The following DBF4 variants were observed in gnomAD, a reference collection of about 807,000 sequenced individuals.
The protein encoded by DBF4 is protein DBF4 homolog A.
A neutral mutation model predicts 76.6 loss-of-function variants in DBF4; 25 were observed. The ratio of observed to expected loss-of-function variants is 0.33; its 90% CI spans 0.24 to 0.46. The LOEUF is 0.46. Ranked by LOEUF, DBF4 falls within the 20% of genes least tolerant of loss-of-function variation. The probability of loss-of-function intolerance (pLI) is 1.00; values close to 1 mark genes in which losing one functional copy is unlikely to be tolerated. For missense variants in DBF4, 638 were observed against 760.8 expected (o/e 0.84, Z 1.90); for synonymous variants, 213 against 258.0 (o/e 0.83, Z 1.67).
intron 5 of DBF4, 31 bp from the exon 6 acceptor site, chr7:87,887,952 T>G (rs1417833645): frequency 1.3e-6 from 2 of 1,504,772 alleles, no homozygotes; most frequent in African/African-American, 2.9e-5. Context: ...GTAAAATTGC[T>G]AATCTTAAAA....
At chr7:87,904,220 A>T in intron 10 of DBF4, 72 bp from the exon 11 acceptor site, 2 of 1,475,882 alleles carry the variant, frequency 1.4e-6, no homozygotes, top group South Asian at 2.7e-5. Flanking sequence ...GAATGTTAGA[A>T]AACCTTAATT....
chr7:87,896,466 T>C lies in DBF4; in HGVS notation c.598-8T>C. On this transcript the variant is annotated splice_polypyrimidine_tract_variant and splice_region_variant and intron_variant, in intron 6 of 11. Transcript: ENST00000265728. Reference sequence around the variant, plus strand: ...AAGCCAATCTTTTCACTATATATTTTTTTTTAGGGCAAAAGAGTTGGTAGT... The same window carrying C: ...AAGCCAATCTTTTCACTATATATTTCTTTTTAGGGCAAAAGAGTTGGTAGT... 6.2e-7 allele frequency: 1 copy of C among 1,610,618 alleles called. No individual in the cohort carries two copies. Among genetic ancestry groups the C allele is most frequent in the Non-Finnish European group, 8.5e-7 (1 of 1,178,332 alleles).
chr7:87,892,412 GGC>G (rs907878727), intron 6 of DBF4, among the ~76,000 whole-genome samples: 3 of 152,060 alleles, frequency 2.0e-5, no homozygotes, highest in African/African-American at 7.3e-5. Flanking sequence ...GTCTTTTCAT[GGC>G]TTGACAGCTC....
intron 10 of DBF4, 138 bp from the exon 11 acceptor site, chr7:87,904,149 AAGTCT>A: frequency 1.4e-6 from 1 of 713,496 alleles, no homozygotes; most frequent in Non-Finnish European, 2.1e-6. Flanking sequence ...ACGTCTTTTG[AAGTCT>A]AGTAAAGGGT....
intron 6 of DBF4, among the ~76,000 whole-genome samples, chr7:87,890,370 C>G (rs551445452): frequency 1.7e-4 from 26 of 152,236 alleles, no homozygotes; most frequent in African/African-American, 6.0e-4. Flanking sequence ...CCCATCTCTA[C>G]TAAAAATACA....
chr7:87,890,838 G>A (rs1245460754), intron 6 of DBF4, among the ~76,000 whole-genome samples: 1 of 152,108 alleles, frequency 6.6e-6, no homozygotes, highest in Non-Finnish European at 1.5e-5. Flanking sequence ...CTATGAAACA[G>A]ATCTTAATCT....
chr7:87,886,162 G>A (rs1408795596), intron 3 of DBF4, among the ~76,000 whole-genome samples: 2 of 152,070 alleles, frequency 1.3e-5, no homozygotes, highest in Non-Finnish European at 2.9e-5. Context: ...TTTGGAGCAA[G>A]GAGACAATAC....
intron 1 of DBF4, 41 bp downstream of exon 1, chr7:87,876,819 T>C: frequency 1.9e-6 from 3 of 1,607,476 alleles, no homozygotes; most frequent in Non-Finnish European, 2.6e-6. Context: ...TTTAATCCTT[T>C]CCTCCCCTCG....
chr7:87,890,803 A>C (rs911069058), intron 6 of DBF4, among the ~76,000 whole-genome samples: 1 of 152,240 alleles, frequency 6.6e-6, no homozygotes, highest in Non-Finnish European at 1.5e-5. Context: ...AGGAGCCCTC[A>C]TAAAACGAAG....
At chr7:87,900,673 C>T in intron 9 of DBF4, 91 bp from the exon 10 acceptor site, 1 of 1,042,406 alleles carries the variant, frequency 9.6e-7, no homozygotes. Flanking sequence ...GCAAATTATG[C>T]AGATTGTGTG....
intron 6 of DBF4, among the ~76,000 whole-genome samples, chr7:87,892,800 T>C (rs975520565): frequency 6.6e-5 from 10 of 152,184 alleles, no homozygotes; most frequent in African/African-American, 2.4e-4. Context: ...CATTGTCCTG[T>C]GGGGTTACTT....
intron 10 of DBF4, among the ~76,000 whole-genome samples, chr7:87,903,048 T>G (rs1265024331): frequency 2.6e-5 from 4 of 152,200 alleles, no homozygotes; most frequent in Non-Finnish European, 5.9e-5. Context: ...TGTTGTGAAC[T>G]TGTTTACTTT....
intron 8 of DBF4, among the ~76,000 whole-genome samples, chr7:87,897,914 A>G (rs949137836): frequency 4.6e-5 from 7 of 152,134 alleles, no homozygotes; most frequent in African/African-American, 1.4e-4. Context: ...AGTAGCTGGG[A>G]TTATGGGTCT....
In DBF4 at chr7:87,908,440, A is replaced by G. The variant is rs1839963261; in HGVS notation, c.*277A>G. The G allele has an allele frequency of 4.5e-6, 1 of 221,180 alleles. No homozygotes were observed. Among genetic ancestry groups the G allele is most frequent in the South Asian group, 1.6e-4 (1 of 6,410 alleles). 13.7% of individuals were successfully genotyped at this position (221,180 alleles called of 1,614,324 possible). On this transcript the variant is annotated 3_prime_UTR_variant, in exon 12 of 12. Transcript: ENST00000265728. The stretch of plus-strand genomic sequence containing the variant: ...ATAATAATTTGCTTTGTCACTGAAA[A>G]CCACCAGTGAAGTGCAATTTGGGGA...
chr7:87,903,050 G>T (rs1257414341), intron 10 of DBF4, among the ~76,000 whole-genome samples: 1 of 152,046 alleles, frequency 6.6e-6, no homozygotes, highest in Non-Finnish European at 1.5e-5. Flanking sequence ...TTGTGAACTT[G>T]TTTACTTTTG....
chr7:87,878,261 A>C, intron 2 of DBF4, 36 bp downstream of exon 2: 1 of 1,508,396 alleles, frequency 6.6e-7, no homozygotes, highest in Middle Eastern at 1.8e-4. Context: ...AGAAGGAAAA[A>C]TTTGTAACTA....
In DBF4 at chr7:87,908,363, C is replaced by A; in HGVS notation, c.*200C>A. ...ATTACAGAATAAACTTGTGACTGGTCTTGTTTTACATTATATATATGTTCG... is the reference window on the plus strand; with the variant it reads ...ATTACAGAATAAACTTGTGACTGGTATTGTTTTACATTATATATATGTTCG... On this transcript the variant is annotated 3_prime_UTR_variant, in exon 12 of 12. Transcript: ENST00000265728. The A allele has an allele frequency of 2.3e-6, 1 of 431,396 alleles. No homozygotes were observed. The highest frequency in any genetic ancestry group is 3.9e-6 in the Non-Finnish European group (1 of 258,636). 26.7% of individuals were successfully genotyped at this position (431,396 alleles called of 1,614,324 possible).
chr7:87,884,979 C>T lies in DBF4; in HGVS notation c.220C>T (p.Arg74Ter). 3 of 1,599,662 alleles carry T rather than the reference C, an allele frequency of 1.9e-6. No individual in the cohort carries two copies. The highest frequency in any genetic ancestry group is 2.6e-6 in the Non-Finnish European group (3 of 1,168,524). ...ATAAAAATACTTTGTTCTCTTCTAG[C>T]GAGTTGAAGAATTTCTCAGCAAAGA... ...LQKDIKDLGG[R>*]VEEFLSKDIS... Residue 74 changes from arginine to a stop codon, truncating the protein, a stop_gained and splice_region_variant, in exon 3 of 12, where the codon CGA (arginine) becomes TGA (stop). Coordinates refer to ENST00000265728, the MANE Select transcript of DBF4 (RefSeq NM_006716.4). LOFTEE classifies it high-confidence loss of function.
At position 87,885,192 on chromosome 7, in the gene DBF4, G is replaced by A. The variant is rs757855693; in HGVS notation, c.399+34G>A. 18 of 1,539,366 alleles carry A rather than the reference G, an allele frequency of 1.2e-5. No individual in the cohort carries two copies. The African/African-American group carries it at 1.9e-4, about 16-fold the overall frequency. ...CTTAAATATGCTTTGAGACTCAGAAGGGCTATATCCTGAAGATCTCCTGGT... is the reference window on the plus strand; with the variant it reads ...CTTAAATATGCTTTGAGACTCAGAAAGGCTATATCCTGAAGATCTCCTGGT... On this transcript the variant is annotated intron_variant, in intron 3 of 11. Transcript: ENST00000265728.
Sources: allele counts gnomAD v4.1 joint callset (sites outside exome capture counted in the v4.1 genomes callset), GRCh38; gene constraint gnomAD v4.1.1; transcripts MANE v1.5; gene names NCBI Gene and HGNC (gene_info 2026-07-23, HGNC 2026-07-21).